C5orf34: variants seen among roughly 807,000 people sequenced by gnomAD.
C5orf34 encodes the protein chromosome 5 open reading frame 34, also known as uncharacterized protein C5orf34.
A neutral mutation model predicts 78.4 loss-of-function variants in C5orf34; 73 were observed. The ratio of observed to expected loss-of-function variants is 0.93; its 90% CI spans 0.77 to 1.13. The LOEUF is 1.13. Among genes scored for constraint, C5orf34 ranks in the 50% most tolerant of loss-of-function variants. The pLI is 0.00. For missense variants in C5orf34, 730 were observed against 732.7 expected (o/e 1.00, Z 0.04); for synonymous variants, 251 against 246.6 (o/e 1.02, Z -0.17).
At chr5:43,514,484 C>CT (rs1285184203) in intron 1 of C5orf34, among the ~76,000 whole-genome samples, 2 of 151,762 alleles carry the variant, frequency 1.3e-5, no homozygotes, top group African/African-American at 2.4e-5. Flanking sequence ...TTGGTCAGGT[C>CT]TTTTTTTTAA....
At chr5:43,511,214 C>T (rs13183746) in intron 1 of C5orf34, 2,370 of 173,148 alleles carry the variant, frequency 0.014, 62 homozygotes, top group East Asian at 0.12. Context: ...GCAGCCGACC[C>T]GTCTGAGAAG....
At chr5:43,492,408 A>C in intron 9 of C5orf34, 99 bp from the exon 10 acceptor site, 1 of 786,990 alleles carries the variant, frequency 1.3e-6, no homozygotes, top group African/African-American at 1.7e-5. Context: ...TAAGTAGAGG[A>C]ATCATTAAAG....
intron 11 of C5orf34, chr5:43,488,257 A>G (rs1745140392): frequency 3.2e-6 from 1 of 308,416 alleles, no homozygotes; most frequent in African/African-American, 2.1e-5. Flanking sequence ...CCTAGCTTAC[A>G]CTCTACTTTC....
chr5:43,508,441 A>C (rs573276620), intron 3 of C5orf34, 136 bp downstream of exon 3: 1 of 576,480 alleles, frequency 1.7e-6, no homozygotes, highest in South Asian at 2.5e-5. Context: ...AGGGGGATAC[A>C]CTATGTAACT....
Position 43,509,277 on chromosome 5 carries a change from A to G in C5orf34, c.63T>C (p.Asp21=). The G allele has an allele frequency of 6.2e-7, 1 of 1,614,160 alleles. No individual in the cohort carries two copies. The highest frequency in any genetic ancestry group is 8.5e-7 in the Non-Finnish European group (1 of 1,179,970). Residue 21 remains aspartate, a synonymous_variant, in exon 2 of 13, where the codon GAT becomes GAC. Transcript: ENST00000306862. The stretch of plus-strand genomic sequence containing the variant: ...AGGGAGAAAGTTGCAATGTGGAACC[A>G]TCAACATATTGTACTTGTACTGAAT... ...EDDSVQVQYV[D]GSTLQLSPCG... is the part of the protein sequence containing the mutation.
intron 11 of C5orf34, among the ~76,000 whole-genome samples, chr5:43,488,638 G>A (rs1412217051): frequency 6.6e-6 from 1 of 151,968 alleles, no homozygotes; most frequent in African/African-American, 2.4e-5. Flanking sequence ...AGCACAGAGG[G>A]TTAACATGAT....
Position 43,494,533 on chromosome 5 carries a change from A to G in C5orf34, c.1221T>C (p.Gly407=), listed in dbSNP as rs1209698571. 1.2e-6 allele frequency: 2 copies of G among 1,606,534 alleles called. No individual in the cohort carries two copies. Among genetic ancestry groups the G allele is most frequent in the Admixed American group, 3.3e-5 (2 of 59,916 alleles). ...PDRPGSPFTV[G]SLIKQATRIL... ...ACCTTGTTGCCTGTTTAATTAGAGA[A>G]CCGACAGTGAATGGACTTCCCGGTC... is the stretch of plus-strand genomic sequence containing the variant. Residue 407 remains glycine, a synonymous_variant, in exon 7 of 13, where the codon GGT becomes GGC. Coordinates refer to ENST00000306862, the MANE Select transcript of C5orf34 (RefSeq NM_198566.4).
intron 4 of C5orf34, among the ~76,000 whole-genome samples, chr5:43,505,179 C>A (rs1445395071): frequency 6.6e-6 from 1 of 152,204 alleles, no homozygotes; most frequent in Non-Finnish European, 1.5e-5. Flanking sequence ...AATCTACAAT[C>A]CTTAGTGGAG....
At chr5:43,507,732 CT>C (rs1262002981) in intron 3 of C5orf34, among the ~76,000 whole-genome samples, 2 of 152,196 alleles carry the variant, frequency 1.3e-5, no homozygotes, top group Admixed American at 6.5e-5. Context: ...ACTGAGAAAA[CT>C]GCCATAGACA....
At position 43,490,691 on chromosome 5, in the gene C5orf34, G is replaced by A. The variant is rs774534393; in HGVS notation, c.1619C>T (p.Thr540Ile). The A allele has an allele frequency of 6.2e-7, 1 of 1,610,176 alleles. No homozygotes were observed. Among genetic ancestry groups the A allele is most frequent in the Non-Finnish European group, 8.5e-7 (1 of 1,176,876 alleles). Residue 540 changes from threonine (T) to isoleucine (I), a missense_variant, in exon 11 of 13, where the codon ACC becomes ATC. By Grantham distance (89) the Thr-to-Ile change is moderately conservative. Coordinates refer to ENST00000306862, the MANE Select transcript of C5orf34 (RefSeq NM_198566.4). Reference protein sequence around the residue: ...TTVTSWCRRLTQTSPREMPTH... With the variant: ...TTVTSWCRRLIQTSPREMPTH... Reference sequence around the variant, plus strand: ...GGGCATCTCTCTGGGACTAGTCTGGGTCAGTCTCCTGCACCATGATGTTAC... The same window carrying A: ...GGGCATCTCTCTGGGACTAGTCTGGATCAGTCTCCTGCACCATGATGTTAC...
rs776262633 is a variant in C5orf34, at chr5:43,505,860, G to A, written c.820C>T (p.His274Tyr). 4.3e-6 allele frequency: 7 copies of A among 1,613,692 alleles called. No homozygotes were observed. The highest frequency in any genetic ancestry group is 1.3e-5 in the African/African-American group (1 of 74,906). The change falls in exon 4 of 13, where the codon CAT becomes TAT. Residue 274 changes from histidine (H) to tyrosine (Y), a missense_variant. By Grantham distance (83) the His-to-Tyr change is moderately conservative (BLOSUM62 2). Coordinates refer to ENST00000306862, the MANE Select transcript of C5orf34 (RefSeq NM_198566.4). ...GTTAAAAATCTACTCTGAGTTATAT[G>A]TGCATCAATTTTAGACATATTGCTG... ...KISNMSKIDA[H>Y]ITQSRFLTSD...
At chr5:43,495,311 G>A in intron 6 of C5orf34, 1 of 1,611,296 alleles carries the variant, frequency 6.2e-7, no homozygotes, top group South Asian at 1.1e-5. Flanking sequence ...CTTTTTACCA[G>A]AACCGCGATC....
rs1466451893 is a variant in C5orf34, at chr5:43,488,479, T to C, written c.1680-530A>G. ...TTTTTTACTTTTCTGTACTTGTGCA[T>C]ATATTAAGACCTCATTTATATGGAA... On this transcript the variant is annotated intron_variant, in intron 11 of 12. Transcript: ENST00000306862. 2.6e-5 allele frequency: 4 copies of C among 152,484 alleles called. No homozygotes were observed. In the East Asian group the frequency reaches 7.7e-4, roughly 29 times the overall value. 9.4% of individuals were successfully genotyped at this position (152,484 alleles called of 1,614,324 possible).
chr5:43,506,261 T>A lies in C5orf34; in HGVS notation c.419A>T (p.Gln140Leu), dbSNP rs1579876533. ...CAAAAAATGTACTGTAAATTCATGC[T>A]GAGATCTGGGCAGGCAGAGGTATGC... is the stretch of plus-strand genomic sequence containing the variant. The part of the protein sequence containing the change: ...GHAYLCLPRS[Q>L]HEFTVHFLCK... The change falls in exon 4 of 13, where the codon CAG becomes CTG. Residue 140 changes from glutamine (Q) to leucine (L), a missense_variant. Coordinates refer to ENST00000306862, the MANE Select transcript of C5orf34 (RefSeq NM_198566.4). 6.2e-7 allele frequency: 1 copy of A among 1,614,188 alleles called. No homozygotes were observed. Among genetic ancestry groups the A allele is most frequent in the Non-Finnish European group, 8.5e-7 (1 of 1,180,038 alleles).
chr5:43,498,529 C>T (rs1745636012), intron 6 of C5orf34, among the ~76,000 whole-genome samples: 1 of 152,150 alleles, frequency 6.6e-6, no homozygotes, highest in Non-Finnish European at 1.5e-5. Context: ...ATTTTGGTTT[C>T]ACACAGTACC....
Position 43,509,206 on chromosome 5 carries a change from T to C in C5orf34, c.134A>G (p.His45Arg), listed in dbSNP as rs1746116306. 6.2e-7 allele frequency: 1 copy of C among 1,614,086 alleles called. No homozygotes were observed. Among genetic ancestry groups the C allele is most frequent in the Non-Finnish European group, 8.5e-7 (1 of 1,180,034 alleles). Reference protein sequence around the residue: ...LFEKSPPVSAHPLEQPERIRQ... With the variant: ...LFEKSPPVSARPLEQPERIRQ... ...AATTCTTTCTGGTTGTTCTAAAGGA[T>C]GTGCTGAAACAGGTGGTGACTTTTC... Residue 45 changes from histidine to arginine, a missense_variant, in exon 2 of 13, where the codon CAT (histidine) becomes CGT (arginine). Coordinates refer to ENST00000306862, the MANE Select transcript of C5orf34 (RefSeq NM_198566.4).
chr5:43,505,823 G>A lies in C5orf34; in HGVS notation c.857C>T (p.Ser286Leu), dbSNP rs1208523655. ...TQSRFLTSDI[S>L]EERGKVVSVL... is the part of the protein sequence containing the mutation. ...AGAAACCACTTTTCCTCTTTCCTCTGAAATATCAGAAGTTAAAAATCTACT... is the reference window on the plus strand; with the variant it reads ...AGAAACCACTTTTCCTCTTTCCTCTAAAATATCAGAAGTTAAAAATCTACT... The change falls in exon 4 of 13, where the codon TCA (serine) becomes TTA (leucine). Residue 286 changes from serine (S) to leucine (L), a missense_variant. Physicochemically the swap from Ser to Leu is moderately radical, Grantham distance 145. Coordinates refer to ENST00000306862, the MANE Select transcript of C5orf34 (RefSeq NM_198566.4). The A allele has an allele frequency of 5.6e-6, 9 of 1,612,816 alleles. No homozygotes were observed. The highest frequency in any genetic ancestry group is 6.8e-6 in the Non-Finnish European group (8 of 1,179,322).
rs1745352998 is a variant in C5orf34 at position 43,493,080 on chromosome 5, A to G, written c.1315-190T>C. Among the ~76,000 whole-genome samples the G allele has an allele frequency of 4.6e-5, 7 of 152,174 alleles. No homozygotes were observed. The South Asian group carries it at 1.0e-3, about 23-fold the overall frequency. Reference sequence around the variant, plus strand: ...TTTTTCAAGCAGATTCAGTTATAATATATTTGTAAAGTCACTGTTCTGCTC... The same window carrying G: ...TTTTTCAAGCAGATTCAGTTATAATGTATTTGTAAAGTCACTGTTCTGCTC... On this transcript the variant is annotated intron_variant, in intron 8 of 12. Transcript: ENST00000306862.
At chr5:43,489,992 A>T (rs1326751840) in intron 11 of C5orf34, among the ~76,000 whole-genome samples, 1 of 152,122 alleles carries the variant, frequency 6.6e-6, no homozygotes, top group Admixed American at 6.5e-5. Context: ...CTAGCCCTCA[A>T]AACTCATACT....
Sources: gnomAD v4.1 joint callset for allele counts (sites outside exome capture counted in the v4.1 genomes callset) on GRCh38, gnomAD v4.1.1 for gene constraint, MANE v1.5 for transcripts, NCBI Gene and HGNC (gene_info 2026-07-23, HGNC 2026-07-21) for gene names.